The following KLHL1 variants were observed in gnomAD, a reference collection of about 807,000 sequenced individuals.
KLHL1 encodes kelch-like protein 1.
KLHL1 carries 47 observed loss-of-function variants against 77.7 expected under a neutral mutation model. That is an observed-to-expected ratio of 0.60 (90% CI 0.48 to 0.77). The LOEUF (loss-of-function observed/expected upper bound fraction) is 0.77. Among genes scored for constraint, KLHL1 ranks in the 30% least tolerant of loss-of-function variants. The probability of loss-of-function intolerance (pLI) is 0.00; values close to 1 mark genes in which losing one functional copy is unlikely to be tolerated. For missense variants in KLHL1, 925 were observed against 910.8 expected (o/e 1.02, Z -0.20); for synonymous variants, 360 against 325.2 (o/e 1.11, Z -1.15).
At chr13:69,848,530 T>A (rs61963755) in intron 5 of KLHL1, among the ~76,000 whole-genome samples, 6,588 of 151,640 alleles carry the variant, frequency 0.043, 261 homozygotes, top group East Asian at 0.2. Flanking sequence ...CTGACATAAC[T>A]ACTATTCTGG....
chr13:69,855,404 A>T (rs73506390), intron 5 of KLHL1, among the ~76,000 whole-genome samples: 3,044 of 147,070 alleles, frequency 0.021, 82 homozygotes, highest in African/African-American at 0.024. Context: ...AGATAGATAG[A>T]GATACAGATA....
chr13:70,016,183 C>T (rs900279930), intron 1 of KLHL1, among the ~76,000 whole-genome samples: 2 of 152,242 alleles, frequency 1.3e-5, no homozygotes, highest in Non-Finnish European at 2.9e-5. Context: ...CCAGCAGAAT[C>T]TCCAATAGTT....
At position 69,796,943 on chromosome 13, in the gene KLHL1, T is replaced by A. The variant is rs752703417; in HGVS notation, c.1434A>T (p.Lys478Asn). 8.1e-6 allele frequency: 13 copies of A among 1,614,110 alleles called. No individual in the cohort carries two copies. Among genetic ancestry groups the A allele is most frequent in the Middle Eastern group, 1.6e-4 (1 of 6,062 alleles). Residue 478 changes from lysine to asparagine, a missense_variant, in exon 7 of 11, where the codon AAA becomes AAT. Physicochemically the swap from Lys to Asn is moderately conservative, Grantham distance 94. Coordinates refer to ENST00000377844, the MANE Select transcript of KLHL1 (RefSeq NM_020866.3). Reference sequence around the variant, plus strand: ...TCCACAGATTTGTTCTCAGATCATATTTCTCTATAGTTGTAGCTCCTGATA... The same window carrying A: ...TCCACAGATTTGTTCTCAGATCATAATTCTCTATAGTTGTAGCTCCTGATA... The part of the protein sequence containing the change: ...DNNKGATTIE[K>N]YDLRTNLWIQ...
chr13:69,743,878 ATAAT>A (rs1874092622), intron 7 of KLHL1, among the ~76,000 whole-genome samples: 1 of 152,018 alleles, frequency 6.6e-6, no homozygotes, highest in African/African-American at 2.4e-5. Context: ...AATTGGTTAA[ATAAT>A]TGGGTAAATT....
intron 1 of KLHL1, among the ~76,000 whole-genome samples, chr13:70,085,107 G>A (rs1006040611): frequency 1.3e-5 from 2 of 152,116 alleles, no homozygotes; most frequent in African/African-American, 4.8e-5. Flanking sequence ...GTATCTGAGT[G>A]TGTATGGATA....
At chr13:69,825,774 A>G (rs1878519082) in intron 6 of KLHL1, among the ~76,000 whole-genome samples, 1 of 152,156 alleles carries the variant, frequency 6.6e-6, no homozygotes, top group Admixed American at 6.5e-5. Flanking sequence ...TGTAAATCAG[A>G]CAGCCCTTGA....
chr13:69,752,803 G>A (rs143418216), intron 7 of KLHL1, among the ~76,000 whole-genome samples: 76 of 152,242 alleles, frequency 5.0e-4, no homozygotes, highest in African/African-American at 1.5e-3. Flanking sequence ...GGCTATATAT[G>A]GCCATAAGCG....
intron 5 of KLHL1, among the ~76,000 whole-genome samples, chr13:69,876,197 T>C (rs1426122673): frequency 6.6e-6 from 1 of 152,206 alleles, no homozygotes; most frequent in Non-Finnish European, 1.5e-5. Flanking sequence ...TTGAGTGTAA[T>C]CTGCTCTGTA....
chr13:69,794,365 T>G (rs1877008718), intron 7 of KLHL1, among the ~76,000 whole-genome samples: 1 of 152,070 alleles, frequency 6.6e-6, no homozygotes, highest in Admixed American at 6.6e-5. Flanking sequence ...TATCTGATAC[T>G]GGCCACATGA....
chr13:69,984,366 A>G (rs1884806030), intron 1 of KLHL1, among the ~76,000 whole-genome samples: 1 of 152,170 alleles, frequency 6.6e-6, no homozygotes, highest in South Asian at 2.1e-4. Context: ...GGAAAAGACT[A>G]CCTAGAGGCC....
rs566933092 is a variant in KLHL1, at chr13:69,840,849, T to G, written c.1228-1687A>C. On this transcript the variant is annotated intron_variant, in intron 5 of 10. Coordinates refer to ENST00000377844, the MANE Select transcript of KLHL1 (RefSeq NM_020866.3). ...AAGGGCCCAGTGGTGTTCATAAACT[T>G]TATAATTATGTTTCTATCTATCTAC... is the stretch of plus-strand genomic sequence containing the variant. Among the ~76,000 whole-genome samples the G allele has an allele frequency of 5.3e-5, 8 of 151,798 alleles. No homozygotes were observed. The South Asian group carries it at 1.7e-3, about 31-fold the overall frequency.
chr13:69,852,730 T>A (rs1043316811), intron 5 of KLHL1, among the ~76,000 whole-genome samples: 2 of 151,996 alleles, frequency 1.3e-5, no homozygotes, highest in African/African-American at 2.4e-5. Context: ...GGTAGATGCA[T>A]CATGCAAGTC....
At chr13:69,776,798 C>T (rs1392772647) in intron 7 of KLHL1, among the ~76,000 whole-genome samples, 2 of 152,154 alleles carry the variant, frequency 1.3e-5, no homozygotes, top group African/African-American at 2.4e-5. Flanking sequence ...GTGGTAACTT[C>T]TGTAGTTAAA....
At chr13:69,856,514 G>A (rs928615300) in intron 5 of KLHL1, among the ~76,000 whole-genome samples, 3 of 151,982 alleles carry the variant, frequency 2.0e-5, no homozygotes, top group Admixed American at 2.0e-4. Flanking sequence ...GGGTAAAATC[G>A]CAGATCCTTA....
rs150365803 is a variant in KLHL1 at position 69,965,232 on chromosome 13, C to A, written c.681-3788G>T. Among the ~76,000 whole-genome samples the A allele has an allele frequency of 3.6e-3, 553 of 152,298 alleles. 6 individuals are homozygous for A. Among genetic ancestry groups the A allele is most frequent in the African/African-American group, 0.013 (526 of 41,564 alleles). ...AGGCTTATAGCAACTCATTATCTAG[C>A]AATTCCATCAAAACCAGTTTTCCAA... is the stretch of plus-strand genomic sequence containing the variant. On this transcript the variant is annotated intron_variant, in intron 2 of 10. Coordinates refer to ENST00000377844, the MANE Select transcript of KLHL1 (RefSeq NM_020866.3).
chr13:70,046,052 A>G (rs1886488051), intron 1 of KLHL1, among the ~76,000 whole-genome samples: 1 of 152,202 alleles, frequency 6.6e-6, no homozygotes, highest in Non-Finnish European at 1.5e-5. Context: ...CGAAGTGGAC[A>G]TCATGTTGAA....
chr13:69,885,447 C>A (rs1593917439), intron 4 of KLHL1, among the ~76,000 whole-genome samples: 1 of 150,994 alleles, frequency 6.6e-6, no homozygotes, highest in Admixed American at 6.6e-5. Flanking sequence ...CTTTACACTT[C>A]ATTGAATTTC....
Position 69,838,864 on chromosome 13 carries a change from C to T in KLHL1, c.1414+112G>A, listed in dbSNP as rs181403204. 2,848 of 598,514 alleles carry T rather than the reference C, an allele frequency of 4.8e-3. 14 individuals carry two copies. Among genetic ancestry groups the T allele is most frequent in the Middle Eastern group, 0.028 (59 of 2,088 alleles). 37.1% of individuals were successfully genotyped at this position (598,514 alleles called of 1,614,324 possible). A position where few individuals can be genotyped will look rare whatever the true frequency, so the allele number is the denominator to read the frequency against. ...TAATTTCTCCCTTAATCTTAAATTA[C>T]AATAATTAAAGCTGAGTTTATGTCA... On this transcript the variant is annotated intron_variant, in intron 6 of 10. Transcript: ENST00000377844.
At chr13:69,868,575 T>C (rs1880459919) in intron 5 of KLHL1, among the ~76,000 whole-genome samples, 1 of 152,158 alleles carries the variant, frequency 6.6e-6, no homozygotes, top group South Asian at 2.1e-4. Context: ...CCTTGTGGTT[T>C]AAATAATCTA....
Sources: gnomAD v4.1 joint callset for allele counts (sites outside exome capture counted in the v4.1 genomes callset) on GRCh38, gnomAD v4.1.1 for gene constraint, MANE v1.5 for transcripts, NCBI Gene and HGNC (gene_info 2026-07-23, HGNC 2026-07-21) for gene names.